APBB2: variants seen among roughly 807,000 people sequenced by gnomAD.
APBB2 encodes the protein Fe65-like 1.
A neutral mutation model predicts 82.5 loss-of-function variants in APBB2; 38 were observed. The observed-to-expected ratio is 0.46, with a 90% CI of 0.36 to 0.60. The LOEUF (loss-of-function observed/expected upper bound fraction) is 0.60, where lower values mean the gene tolerates loss of function less well. Ranked by LOEUF, APBB2 falls within the 20% of genes least tolerant of loss-of-function variation. The probability of loss-of-function intolerance (pLI) is 0.00; values close to 1 mark genes in which losing one functional copy is unlikely to be tolerated. For synonymous variants in APBB2, 341 were observed against 368.2 expected, an observed-to-expected ratio of 0.93 and a Z score of 0.85; for missense variants, 772 against 972.3, an observed-to-expected ratio of 0.79 and a Z score of 2.74.
intron 2 of APBB2, among the ~76,000 whole-genome samples, chr4:41,122,453 C>A (rs1373385271): frequency 6.6e-6 from 1 of 152,096 alleles, no homozygotes; most frequent in Non-Finnish European, 1.5e-5. Context: ...CCTGAAGCAC[C>A]AAGGTAGGAG....
At chr4:41,058,944 T>C (rs894563426) in intron 4 of APBB2, among the ~76,000 whole-genome samples, 4 of 152,016 alleles carry the variant, frequency 2.6e-5, no homozygotes, top group Admixed American at 6.5e-5. Context: ...GAACCAAAGA[T>C]AGAACTTAAA....
Position 40,922,724 on chromosome 4 carries a change from C to T in APBB2, c.1254+11732G>A, listed in dbSNP as rs116854677. Among the ~76,000 whole-genome samples, 545 of 152,142 alleles carry T rather than the reference C, an allele frequency of 3.6e-3. 10 individuals carry two copies. In the East Asian group the frequency reaches 0.037, roughly 10 times the overall value. On this transcript the variant is annotated intron_variant, in intron 10 of 17. Coordinates refer to ENST00000508593, the MANE Select transcript of APBB2 (RefSeq NM_004307.2). ...CTCCCAGGCTCAAGTCGTCTTCCCA[C>T]GTCAGCCTCCTGAGTAGCTGGGACT...
At chr4:40,836,339 C>T (rs1171787747) in intron 12 of APBB2, among the ~76,000 whole-genome samples, 4 of 151,980 alleles carry the variant, frequency 2.6e-5, no homozygotes, top group African/African-American at 4.8e-5. Flanking sequence ...TAGGCGGGTG[C>T]GGTAGTGTGC....
rs976071802 is a variant in APBB2 at position 40,934,532 on chromosome 4, G to A, written c.1194-16C>T. ...TGGGGCATTTCTAGGCAGAAAAACA[G>A]AAAAGTGGACTTAGAATTCTATTGC... On this transcript the variant is annotated splice_polypyrimidine_tract_variant and intron_variant, in intron 9 of 17. Coordinates refer to ENST00000508593, the MANE Select transcript of APBB2 (RefSeq NM_004307.2). 1.2e-6 allele frequency: 2 copies of A among 1,614,070 alleles called. No individual in the cohort carries two copies. Among genetic ancestry groups the A allele is most frequent in the Admixed American group, 1.7e-5 (1 of 60,016 alleles).
intron 6 of APBB2, among the ~76,000 whole-genome samples, chr4:40,977,454 C>T (rs1049167313): frequency 3.3e-5 from 5 of 151,830 alleles, no homozygotes; most frequent in South Asian, 4.2e-4. Flanking sequence ...CTGGGATTAC[C>T]GGCACCCACT....
intron 12 of APBB2, among the ~76,000 whole-genome samples, chr4:40,876,257 T>A (rs557846007): frequency 6.6e-6 from 1 of 152,354 alleles, no homozygotes; most frequent in African/African-American, 2.4e-5. Flanking sequence ...ATATCCAATT[T>A]GATAAGTTTT....
intron 4 of APBB2, among the ~76,000 whole-genome samples, chr4:41,047,862 TCTCTTCAAC>T (rs1560608793): frequency 6.6e-6 from 1 of 152,246 alleles, no homozygotes; most frequent in South Asian, 2.1e-4. Flanking sequence ...ACTCATGGTT[TCTCTTCAAC>T]CACATCTCAG....
At chr4:40,848,802 CG>C (rs1297094861) in intron 12 of APBB2, 5 of 958,036 alleles carry the variant, frequency 5.2e-6, no homozygotes, top group Admixed American at 6.2e-5. Flanking sequence ...GCTTGCTGAT[CG>C]GCTGCTTGGT....
intron 12 of APBB2, among the ~76,000 whole-genome samples, chr4:40,845,804 C>G (rs1757368065): frequency 6.6e-6 from 1 of 152,046 alleles, no homozygotes; most frequent in East Asian, 1.9e-4. Context: ...TTGCATGCTT[C>G]TTTTTGATGT....
At chr4:41,172,630 G>A (rs903253348) in intron 1 of APBB2, among the ~76,000 whole-genome samples, 4 of 152,220 alleles carry the variant, frequency 2.6e-5, no homozygotes, top group Admixed American at 1.3e-4. Context: ...TGCACTTCAC[G>A]CAATGGGAGT....
chr4:40,880,093 T>C, intron 12 of APBB2: 1 of 985,386 alleles, frequency 1.0e-6, no homozygotes, highest in East Asian at 1.1e-4. Flanking sequence ...CCTCCATATT[T>C]CAGCTACGTC....
chr4:41,185,620 A>G (rs574064823), intron 1 of APBB2, among the ~76,000 whole-genome samples: 2 of 152,262 alleles, frequency 1.3e-5, no homozygotes, highest in African/African-American at 4.8e-5. Flanking sequence ...TTTCATTCAA[A>G]ATAGTATTTC....
At chr4:41,136,390 G>A (rs1757569613) in intron 2 of APBB2, among the ~76,000 whole-genome samples, 1 of 152,182 alleles carries the variant, frequency 6.6e-6, no homozygotes, top group African/African-American at 2.4e-5. Flanking sequence ...GGGACTTAGA[G>A]TTATAAATGA....
intron 4 of APBB2, among the ~76,000 whole-genome samples, chr4:41,046,145 A>G (rs1171119550): frequency 6.6e-6 from 1 of 152,212 alleles, no homozygotes; most frequent in East Asian, 1.9e-4. Context: ...CTGGGGTAAA[A>G]GAAGGTGACA....
intron 12 of APBB2, among the ~76,000 whole-genome samples, chr4:40,864,351 A>C (rs549141177): frequency 6.6e-6 from 1 of 152,180 alleles, no homozygotes; most frequent in Non-Finnish European, 1.5e-5. Context: ...TTGTAAAAGA[A>C]AGACCCCACT....
intron 4 of APBB2, among the ~76,000 whole-genome samples, chr4:41,035,161 G>C (rs1718662803): frequency 6.6e-6 from 1 of 152,162 alleles, no homozygotes. Context: ...AAAATCAAAT[G>C]CCAGAGGTTT....
intron 10 of APBB2, among the ~76,000 whole-genome samples, chr4:40,907,307 A>G (rs1231000013): frequency 6.8e-6 from 1 of 147,446 alleles, no homozygotes; most frequent in East Asian, 2.0e-4. Flanking sequence ...CTCTACTCCA[A>G]TAGGACTGAT....
At chr4:40,975,793 A>ACACACAACC in intron 6 of APBB2, among the ~76,000 whole-genome samples, 1 of 101,694 alleles carries the variant, frequency 9.8e-6, no homozygotes, top group South Asian at 3.1e-4. Flanking sequence ...CACACACAAC[A>ACACACAACC]ACCACTCTAC....
intron 6 of APBB2, among the ~76,000 whole-genome samples, chr4:40,971,517 T>C (rs1326746305): frequency 6.6e-6 from 1 of 152,206 alleles, no homozygotes; most frequent in Non-Finnish European, 1.5e-5. Flanking sequence ...TTATGTCAGC[T>C]GCTTTCCATT....
Sources: allele counts gnomAD v4.1 joint callset (sites outside exome capture counted in the v4.1 genomes callset), GRCh38; gene constraint gnomAD v4.1.1; transcripts MANE v1.5; gene names NCBI Gene and HGNC (gene_info 2026-07-23, HGNC 2026-07-21).